The following WDR19 variants were observed in gnomAD, a reference collection of about 807,000 sequenced individuals.
The protein encoded by WDR19 is WD repeat domain 19.
In WDR19, 121 loss-of-function variants were observed where a neutral mutation model predicts 180.0. The ratio of observed to expected loss-of-function variants is 0.67; its 90% confidence interval spans 0.58 to 0.78. WDR19 has a LOEUF of 0.78. WDR19 is among the 30% of genes least tolerant of loss of function. WDR19 has a pLI of 0.00. For synonymous variants in WDR19, 497 were observed against 540.7 expected, an observed-to-expected ratio of 0.92 and a Z score of 1.12; for missense variants, 1,450 against 1,640.7, an observed-to-expected ratio of 0.88 and a Z score of 2.01.
rs1255868653 is a variant in WDR19 at position 39,266,156 on chromosome 4, G to A, written c.3261+16G>A. The A allele has an allele frequency of 2.0e-6, 3 of 1,535,334 alleles. No individual in the cohort carries two copies. Among genetic ancestry groups the A allele is most frequent in the Non-Finnish European group, 1.8e-6 (2 of 1,135,944 alleles). On this transcript the variant is annotated intron_variant, in intron 29 of 36. Transcript: ENST00000399820. ...CATGCCTAAGGTACTGAACACGTGG[G>A]CTTCGTGTGCATCCTCAGGTCTCAG...
rs1306230475 is a variant in WDR19 at position 39,277,250 on chromosome 4, C to T, written c.3840+107C>T. The T allele has an allele frequency of 9.6e-6, 12 of 1,249,482 alleles. No individual in the cohort carries two copies. In the Middle Eastern group the frequency reaches 7.3e-4, roughly 77 times the overall value. 77.4% of individuals were successfully genotyped at this position (1,249,482 alleles called of 1,614,324 possible). On this transcript the variant is annotated intron_variant, in intron 34 of 36. Coordinates refer to ENST00000399820, the MANE Select transcript of WDR19 (RefSeq NM_025132.4). ...CTTCACTTTTAAAATAATCTTATCC[C>T]TCAAATTTCCTGCAACATCTAGCAT... is the stretch of plus-strand genomic sequence containing the variant.
intron 28 of WDR19, among the ~76,000 whole-genome samples, chr4:39,260,775 G>T (rs1032714413): frequency 3.3e-5 from 5 of 152,172 alleles, no homozygotes; most frequent in African/African-American, 4.8e-5. Flanking sequence ...TTCCTGACTT[G>T]CAGACAGCAG....
At chr4:39,217,401 G>GTT (rs1313990002) in intron 13 of WDR19, among the ~76,000 whole-genome samples, 161 bp downstream of exon 13, 1 of 152,138 alleles carries the variant, frequency 6.6e-6, no homozygotes, top group Non-Finnish European at 1.5e-5. Flanking sequence ...TATATTAGAA[G>GTT]TTCTGTTGAC....
intron 24 of WDR19, among the ~76,000 whole-genome samples, chr4:39,250,303 A>G (rs1433502794): frequency 6.6e-6 from 1 of 152,252 alleles, no homozygotes; most frequent in Non-Finnish European, 1.5e-5. Context: ...ACAAAATTCA[A>G]CAACGCTTCA....
intron 1 of WDR19, among the ~76,000 whole-genome samples, chr4:39,183,768 G>A (rs1577813455): frequency 6.6e-6 from 1 of 152,258 alleles, no homozygotes; most frequent in East Asian, 1.9e-4. Flanking sequence ...AAGCCCTACA[G>A]CTAATAAGCT....
At chr4:39,232,335 A>T (rs1730964391) in intron 19 of WDR19, 63 bp downstream of exon 19, 2 of 1,383,550 alleles carry the variant, frequency 1.4e-6, no homozygotes, top group Non-Finnish European at 2.0e-6. Flanking sequence ...TGGGGGAAAA[A>T]AAAATGGGGC....
chr4:39,284,697 T>TATC (rs1430603795), intron 36 of WDR19, among the ~76,000 whole-genome samples: 2 of 151,556 alleles, frequency 1.3e-5, no homozygotes, highest in African/African-American at 2.4e-5. Flanking sequence ...TTATAACTGT[T>TATC]ATCTATGGGA....
At chr4:39,225,820 T>G (rs1271674944) in intron 15 of WDR19, among the ~76,000 whole-genome samples, 1 of 151,984 alleles carries the variant, frequency 6.6e-6, no homozygotes, top group African/African-American at 2.4e-5. Context: ...TTCCCTTCCC[T>G]TTCTCTTCCC....
intron 24 of WDR19, among the ~76,000 whole-genome samples, chr4:39,251,842 A>C (rs1260328702): frequency 6.6e-6 from 1 of 152,178 alleles, no homozygotes; most frequent in African/African-American, 2.4e-5. Context: ...GGCGATCATT[A>C]AAAAGTCAGG....
chr4:39,256,261 C>T (rs534442828), intron 27 of WDR19, among the ~76,000 whole-genome samples: 7 of 152,226 alleles, frequency 4.6e-5, no homozygotes, highest in African/African-American at 1.4e-4. Context: ...TTAGTTTGTC[C>T]GCCTTTAGAG....
At chr4:39,269,878 T>A in intron 30 of WDR19, 98 bp from the exon 31 acceptor site, 1 of 1,458,362 alleles carries the variant, frequency 6.9e-7, no homozygotes, top group East Asian at 2.3e-5. Context: ...AGATTACTAA[T>A]AACAAGATTA....
chr4:39,242,856 CAG>C (rs1045764963), intron 21 of WDR19, among the ~76,000 whole-genome samples: 7 of 151,986 alleles, frequency 4.6e-5, no homozygotes, highest in African/African-American at 1.7e-4. Context: ...TTGGTAGAGA[CAG>C]GGTTTTGCCA....
intron 9 of WDR19, among the ~76,000 whole-genome samples, chr4:39,214,252 C>T (rs1708859508): frequency 6.6e-6 from 1 of 152,098 alleles, no homozygotes; most frequent in Admixed American, 6.6e-5. Flanking sequence ...TATCATCTTA[C>T]AATAATTAAT....
chr4:39,207,659 G>GT (rs1222742941), intron 9 of WDR19, among the ~76,000 whole-genome samples: 1 of 152,192 alleles, frequency 6.6e-6, no homozygotes, highest in Non-Finnish European at 1.5e-5. Context: ...GACAATGTAT[G>GT]TCAGTAAATG....
intron 21 of WDR19, among the ~76,000 whole-genome samples, chr4:39,242,363 C>G (rs1732048907): frequency 6.6e-6 from 1 of 152,106 alleles, no homozygotes; most frequent in Non-Finnish European, 1.5e-5. Flanking sequence ...CTCAAGCCAT[C>G]CTCCCGCCTT....
chr4:39,221,403 C>CT (rs1729690632), intron 14 of WDR19, among the ~76,000 whole-genome samples: 1 of 152,204 alleles, frequency 6.6e-6, no homozygotes, highest in Non-Finnish European at 1.5e-5. Flanking sequence ...GTGTAGTAGT[C>CT]TGTTCATAAA....
intron 17 of WDR19, among the ~76,000 whole-genome samples, chr4:39,230,986 G>A (rs1577940380): frequency 1.3e-5 from 2 of 152,240 alleles, no homozygotes; most frequent in East Asian, 3.9e-4. Flanking sequence ...TCTGGCTGTT[G>A]TAGCAGGAAA....
intron 7 of WDR19, 147 bp from the exon 8 acceptor site, chr4:39,205,007 A>T: frequency 1.7e-6 from 1 of 575,054 alleles, no homozygotes. Flanking sequence ...ATACATTTTT[A>T]GTCATATTGT....
chr4:39,281,215 G>GTGTGTGTGTGTGTATA (rs1167602972), intron 36 of WDR19, among the ~76,000 whole-genome samples: 22 of 110,136 alleles, frequency 2.0e-4, no homozygotes, highest in Admixed American at 3.2e-4. Flanking sequence ...ATGTGTGTGT[G>GTGTGTGTGTGTGTATA]TATATATATA....
Sources: gnomAD v4.1 joint callset for allele counts (sites outside exome capture counted in the v4.1 genomes callset) on GRCh38, gnomAD v4.1.1 for gene constraint, MANE v1.5 for transcripts, NCBI Gene and HGNC (gene_info 2026-07-23, HGNC 2026-07-21) for gene names.